The following CPXM2 variants were observed in gnomAD, a reference collection of about 807,000 sequenced individuals.
CPXM2 encodes the protein carboxypeptidase X, M14 family member 2.
Under a neutral mutation model 86.1 loss-of-function variants are expected in CPXM2, and 66 were observed. That is an observed-to-expected ratio of 0.77 (90% CI 0.63 to 0.94). The LOEUF (loss-of-function observed/expected upper bound fraction) is 0.94, where lower values mean the gene tolerates loss of function less well. Ranked by LOEUF, CPXM2 falls within the 40% of genes least tolerant of loss-of-function variation. The pLI is 0.00. For missense variants in CPXM2, 948 were observed against 1,026.3 expected, an observed-to-expected ratio of 0.92 and a Z score of 1.04; for synonymous variants, 388 against 400.2, an observed-to-expected ratio of 0.97 and a Z score of 0.36.
intron 2 of CPXM2, among the ~76,000 whole-genome samples, chr10:123,897,802 G>A (rs1945349544): frequency 6.6e-6 from 1 of 152,252 alleles, no homozygotes; most frequent in African/African-American, 2.4e-5. Context: ...AAGAAGCAAA[G>A]CAGAGGAAGA....
intron 4 of CPXM2, among the ~76,000 whole-genome samples, chr10:123,804,335 T>G (rs1847532628): frequency 6.6e-6 from 1 of 152,200 alleles, no homozygotes; most frequent in Non-Finnish European, 1.5e-5. Flanking sequence ...ACACCAATTT[T>G]GGGGGAACTG....
chr10:123,758,429 G>A (rs1004183505), intron 11 of CPXM2, among the ~76,000 whole-genome samples: 3 of 151,962 alleles, frequency 2.0e-5, no homozygotes, highest in South Asian at 2.1e-4. Flanking sequence ...GTCTTCATAC[G>A]GGCTTCTCTT....
chr10:123,881,963 G>C (rs1289506134), intron 1 of CPXM2, among the ~76,000 whole-genome samples: 1 of 152,234 alleles, frequency 6.6e-6, no homozygotes, highest in Non-Finnish European at 1.5e-5. Flanking sequence ...CAAACAGAAA[G>C]AAGAGGCAGG....
chr10:123,768,857 C>T, intron 8 of CPXM2, 135 bp from the exon 9 acceptor site: 3 of 715,842 alleles, frequency 4.2e-6, no homozygotes, highest in Non-Finnish European at 6.8e-6. Context: ...TTCTTTCAAA[C>T]AAACCTCTAA....
chr10:123,798,895 G>A (rs567527994), intron 5 of CPXM2, among the ~76,000 whole-genome samples: 2 of 152,296 alleles, frequency 1.3e-5, no homozygotes, highest in South Asian at 2.1e-4. Flanking sequence ...TTGCCTGATG[G>A]GAGTAAATAA....
At chr10:123,847,457 C>T (rs1413541910) in intron 3 of CPXM2, among the ~76,000 whole-genome samples, 3 of 151,756 alleles carry the variant, frequency 2.0e-5, no homozygotes, top group African/African-American at 4.8e-5. Context: ...ACCTGAGAGG[C>T]GGAGGTTGCA....
Position 123,747,281 on chromosome 10 carries a change from G to A in CPXM2, c.2018-264C>T, listed in dbSNP as rs767972416. Among the ~76,000 whole-genome samples, 39 of 152,300 alleles carry A rather than the reference G, an allele frequency of 2.6e-4. 1 individual carries two copies. Among genetic ancestry groups the A allele is most frequent in the Middle Eastern group, 3.4e-3 (1 of 294 alleles). ...TACACAGGAGCAAAGCTGGAGAGCC[G>A]ATCACTAATGCTCTGTGACAATATG... On this transcript the variant is annotated intron_variant, in intron 13 of 13. Coordinates refer to ENST00000241305, the MANE Select transcript of CPXM2 (RefSeq NM_198148.3).
intron 4 of CPXM2, among the ~76,000 whole-genome samples, chr10:123,814,785 A>G (rs965207946): frequency 6.6e-6 from 1 of 152,184 alleles, no homozygotes; most frequent in Non-Finnish European, 1.5e-5. Flanking sequence ...GCAATTTGGG[A>G]GGCTGAGGTG....
At chr10:123,809,997 T>C (rs1381331565) in intron 4 of CPXM2, among the ~76,000 whole-genome samples, 1 of 151,982 alleles carries the variant, frequency 6.6e-6, no homozygotes, top group Non-Finnish European at 1.5e-5. Context: ...ATTACAAATA[T>C]ACTGTTCATA....
In CPXM2 at chr10:123,891,771, G is replaced by T. The variant is rs1315468975; in HGVS notation, c.-112C>A. ...GGCGCAGGGCACAGCAGAGCGGCGC[G>T]CTTGGGCGCGGGAGGCGGCCGGCTG... is the stretch of plus-strand genomic sequence containing the variant. On this transcript the variant is annotated 5_prime_UTR_variant, in exon 1 of 14. Coordinates refer to ENST00000241305, the MANE Select transcript of CPXM2 (RefSeq NM_198148.3). This position sits in a 1 kb window ranked among gnomAD's most constrained non-coding sequence, Gnocchi z 5.6. 2 of 750,854 alleles carry T rather than the reference G, an allele frequency of 2.7e-6. No individual in the cohort carries two copies. The highest frequency in any genetic ancestry group is 1.8e-6 in the Non-Finnish European group (1 of 565,036). 46.5% of individuals were successfully genotyped at this position (750,854 alleles called of 1,614,324 possible).
chr10:123,902,342 G>C (rs1945390695), intron 2 of CPXM2, among the ~76,000 whole-genome samples: 1 of 152,144 alleles, frequency 6.6e-6, no homozygotes, highest in Non-Finnish European at 1.5e-5. Context: ...CTTAGCCTTA[G>C]TTTACACATC....
At chr10:123,807,206 C>T (rs558069025) in intron 4 of CPXM2, among the ~76,000 whole-genome samples, 1 of 152,186 alleles carries the variant, frequency 6.6e-6, no homozygotes, top group Admixed American at 6.5e-5. Context: ...TGAACTGGGA[C>T]ATAATTCAGA....
At chr10:123,869,482 A>C (rs1397313773) in intron 2 of CPXM2, among the ~76,000 whole-genome samples, 1 of 152,242 alleles carries the variant, frequency 6.6e-6, no homozygotes, top group East Asian at 1.9e-4. Flanking sequence ...TCAGGAAAAT[A>C]TTAATTAGAA....
At chr10:123,829,521 A>G (rs1848121558) in intron 4 of CPXM2, among the ~76,000 whole-genome samples, 1 of 152,184 alleles carries the variant, frequency 6.6e-6, no homozygotes, top group African/African-American at 2.4e-5. Flanking sequence ...GTAAAAAGAA[A>G]TATCTGAACA....
At chr10:123,869,651 C>A (rs1479617155) in intron 2 of CPXM2, among the ~76,000 whole-genome samples, 1 of 152,128 alleles carries the variant, frequency 6.6e-6, no homozygotes, top group East Asian at 1.9e-4. Context: ...GCGAGCATGG[C>A]GTCCTCTGCC....
chr10:123,928,729 G>T (rs1252185251), intron 2 of CPXM2, among the ~76,000 whole-genome samples: 1 of 152,208 alleles, frequency 6.6e-6, no homozygotes, highest in African/African-American at 2.4e-5. Flanking sequence ...AGCATCAAAT[G>T]TTCAACATGA....
chr10:123,940,195 C>T (rs953551457), exon 1 of CPXM2: 1 of 152,286 alleles, frequency 6.6e-6, no homozygotes, highest in African/African-American at 2.4e-5. Context: ...GAGGCAAGGT[C>T]TGCAGCCTGA....
upstream of CPXM2, among the ~76,000 whole-genome samples, chr10:123,943,031 C>T (rs187172089): frequency 1.6e-3 from 245 of 152,324 alleles, 3 homozygotes; most frequent in African/African-American, 5.3e-3. Flanking sequence ...GCAATCGACT[C>T]TACCATATGG....
chr10:123,935,059 G>A (rs1008392854), intron 2 of CPXM2, among the ~76,000 whole-genome samples: 1 of 152,310 alleles, frequency 6.6e-6, no homozygotes, highest in African/African-American at 2.4e-5. Flanking sequence ...TGATTAGCAA[G>A]TGACTTAACT....
Sources: gnomAD v4.1 joint callset for allele counts (sites outside exome capture counted in the v4.1 genomes callset) on GRCh38, gnomAD v4.1.1 for gene constraint, Gnocchi (gnomAD v3.1) non-coding constraint, MANE v1.5 for transcripts, NCBI Gene and HGNC (gene_info 2026-07-23, HGNC 2026-07-21) for gene names.